The following ATG10 variants were observed in gnomAD, a reference collection of about 807,000 sequenced individuals.
ATG10 encodes ubiquitin-like-conjugating enzyme ATG10.
In ATG10, 30 loss-of-function variants were observed where a neutral mutation model predicts 32.1. The observed-to-expected ratio is 0.94, with a 90% CI of 0.70 to 1.27. ATG10 has a LOEUF of 1.27. Among genes scored for constraint, ATG10 ranks in the 50% most tolerant of loss-of-function variants. The pLI is 0.00. For synonymous variants in ATG10, 87 were observed against 91.5 expected (o/e 0.95, Z 0.28); for missense variants, 233 against 262.3 (o/e 0.89, Z 0.77).
chr5:82,200,068 G>C (rs1745004701), intron 5 of ATG10, among the ~76,000 whole-genome samples: 1 of 152,068 alleles, frequency 6.6e-6, no homozygotes, highest in South Asian at 2.1e-4. Flanking sequence ...TCCAGTTTTT[G>C]GTGATTAAGA....
At chr5:82,197,456 C>T (rs1338978410) in intron 5 of ATG10, among the ~76,000 whole-genome samples, 2 of 115,052 alleles carry the variant, frequency 1.7e-5, no homozygotes, top group Non-Finnish European at 3.5e-5. Context: ...ATCTATCTGT[C>T]TATCTACCTA....
At chr5:82,164,012 C>T (rs1397358200) in intron 3 of ATG10, among the ~76,000 whole-genome samples, 1 of 152,154 alleles carries the variant, frequency 6.6e-6, no homozygotes, top group Non-Finnish European at 1.5e-5. Flanking sequence ...ATTTCACAGC[C>T]TCTTGTTCAA....
intron 2 of ATG10, among the ~76,000 whole-genome samples, chr5:82,028,718 A>G (rs1043428648): frequency 6.6e-6 from 1 of 152,242 alleles, no homozygotes; most frequent in Non-Finnish European, 1.5e-5. Flanking sequence ...TTTGGGAACT[A>G]GAAGGAGAAC....
At chr5:82,003,797 A>G (rs1308954249) in intron 2 of ATG10, among the ~76,000 whole-genome samples, 2 of 152,210 alleles carry the variant, frequency 1.3e-5, no homozygotes, top group Non-Finnish European at 2.9e-5. Flanking sequence ...AAATAGCCTG[A>G]TTTGATGAGG....
intron 3 of ATG10, among the ~76,000 whole-genome samples, chr5:82,059,296 A>G (rs953800319): frequency 3.9e-5 from 6 of 152,172 alleles, no homozygotes; most frequent in African/African-American, 1.2e-4. Flanking sequence ...ATAGAGAAAT[A>G]TATAAAAAGG....
At chr5:82,082,887 T>C (rs1276929577) in intron 3 of ATG10, among the ~76,000 whole-genome samples, 1 of 152,194 alleles carries the variant, frequency 6.6e-6, no homozygotes, top group Non-Finnish European at 1.5e-5. Flanking sequence ...GGTTCCAACA[T>C]GGCCGAATAG....
intron 2 of ATG10, among the ~76,000 whole-genome samples, chr5:82,002,515 C>T (rs1761879445): frequency 6.6e-6 from 1 of 152,124 alleles, no homozygotes; most frequent in African/African-American, 2.4e-5. Context: ...AACTAGAGGG[C>T]ATTATCCTAA....
intron 5 of ATG10, among the ~76,000 whole-genome samples, chr5:82,206,051 T>C (rs1337741158): frequency 6.6e-6 from 1 of 152,130 alleles, no homozygotes; most frequent in East Asian, 1.9e-4. Context: ...TCTGAAGACA[T>C]AGGATATTTG....
chr5:82,192,433 A>G (rs1355101953), intron 5 of ATG10, among the ~76,000 whole-genome samples: 4 of 152,216 alleles, frequency 2.6e-5, no homozygotes, highest in African/African-American at 9.7e-5. Context: ...ACCATATTAT[A>G]TAGCTTGACC....
At chr5:82,020,186 A>T (rs560540818) in intron 2 of ATG10, among the ~76,000 whole-genome samples, 23 of 152,196 alleles carry the variant, frequency 1.5e-4, no homozygotes, top group Non-Finnish European at 2.5e-4. Context: ...TTTTTAAGCC[A>T]TGGGCTCCTA....
Position 82,253,532 on chromosome 5 carries a change from G to T in ATG10, c.*4+103G>T, listed in dbSNP as rs1747346984. ...AATGCAAAATTTGCTTTCATCTTTAGTGGGCAAACCCTGACTTAATTTTTA... is the reference window on the plus strand; with the variant it reads ...AATGCAAAATTTGCTTTCATCTTTATTGGGCAAACCCTGACTTAATTTTTA... On this transcript the variant is annotated intron_variant, in intron 7 of 7. Coordinates refer to ENST00000282185, the MANE Select transcript of ATG10 (RefSeq NM_031482.5). The T allele has an allele frequency of 6.5e-6, 5 of 767,890 alleles. No homozygotes were observed. The South Asian group carries it at 8.1e-5, about 12-fold the overall frequency. The allele number at this position is 767,890 out of a possible 1,614,324, so 47.6% of individuals were successfully genotyped here. A position where few individuals can be genotyped will look rare whatever the true frequency, so the allele number is the denominator to read the frequency against.
At chr5:82,096,669 C>G (rs1765076048) in intron 3 of ATG10, among the ~76,000 whole-genome samples, 1 of 152,132 alleles carries the variant, frequency 6.6e-6, no homozygotes, top group Non-Finnish European at 1.5e-5. Context: ...AGTGTCTGTT[C>G]ACTGATATTG....
At position 82,054,889 on chromosome 5, in the gene ATG10, G is replaced by A. The variant is rs1189267717; in HGVS notation, c.109-3606G>A. Among the ~76,000 whole-genome samples, 5 of 152,308 alleles carry A rather than the reference G, an allele frequency of 3.3e-5. No homozygotes were observed. In the East Asian group the frequency reaches 7.7e-4, roughly 24 times the overall value. ...TTAAAAAATTAAAGAAGAGTTAAAT[G>A]TTCAAGTGTAAGCTATGATAAGTAC... is the stretch of plus-strand genomic sequence containing the variant. On this transcript the variant is annotated intron_variant, in intron 2 of 7. Transcript: ENST00000282185.
intron 3 of ATG10, among the ~76,000 whole-genome samples, chr5:82,068,785 A>G (rs545947294): frequency 3.4e-5 from 5 of 149,076 alleles, no homozygotes; most frequent in African/African-American, 9.7e-5. Context: ...AAAAAAGACA[A>G]TAGGTTGTTG....
chr5:82,046,768 A>G (rs1011041191), intron 2 of ATG10, among the ~76,000 whole-genome samples: 8 of 152,194 alleles, frequency 5.3e-5, no homozygotes, highest in African/African-American at 1.7e-4. Context: ...CAAAGTGACA[A>G]CTTGCTACCC....
intron 3 of ATG10, among the ~76,000 whole-genome samples, chr5:82,133,476 G>A (rs1208025830): frequency 6.6e-6 from 1 of 152,080 alleles, no homozygotes; most frequent in Non-Finnish European, 1.5e-5. Context: ...TTATGGAATA[G>A]GGAATCTTTT....
intron 3 of ATG10, among the ~76,000 whole-genome samples, chr5:82,119,144 GTTTCCA>G (rs1765940271): frequency 6.6e-6 from 1 of 151,996 alleles, no homozygotes; most frequent in Non-Finnish European, 1.5e-5. Context: ...TTATTAATAT[GTTTCCA>G]TTTATAAAGC....
intron 5 of ATG10, among the ~76,000 whole-genome samples, chr5:82,235,568 C>T (rs1409892479): frequency 6.6e-6 from 1 of 152,180 alleles, no homozygotes. Context: ...CCTCTATTCT[C>T]CATTATCCAC....
intron 3 of ATG10, among the ~76,000 whole-genome samples, chr5:82,137,124 A>G (rs1489433073): frequency 6.6e-6 from 1 of 151,922 alleles, no homozygotes; most frequent in Non-Finnish European, 1.5e-5. Context: ...CCATTTTTCA[A>G]GGTTCTTAGG....
Sources: gnomAD v4.1 joint callset for allele counts (sites outside exome capture counted in the v4.1 genomes callset) on GRCh38, gnomAD v4.1.1 for gene constraint, MANE v1.5 for transcripts, NCBI Gene and HGNC (gene_info 2026-07-23, HGNC 2026-07-21) for gene names.